The following PRELID2 variants were observed in gnomAD, a reference collection of about 807,000 sequenced individuals.
PRELID2 encodes PRELI domain containing 2, also known as PRELI domain-containing protein 2.
PRELID2 carries 25 observed loss-of-function variants against 28.4 expected under a neutral mutation model. The observed-to-expected ratio is 0.88, with a 90% CI of 0.64 to 1.23. The LOEUF is 1.23. PRELID2 is among the 50% of genes most tolerant of loss of function. The probability of loss-of-function intolerance (pLI) is 0.00; values close to 1 mark genes in which losing one functional copy is unlikely to be tolerated. For synonymous variants in PRELID2, 76 were observed against 71.6 expected (o/e 1.06, Z -0.31); for missense variants, 201 against 214.4 (o/e 0.94, Z 0.39).
chr5:145,814,286 G>A (rs1305801848), intron 4 of PRELID2, among the ~76,000 whole-genome samples: 4 of 152,140 alleles, frequency 2.6e-5, no homozygotes, highest in Admixed American at 6.5e-5. Context: ...AGGCTAACAC[G>A]AAGTAGATGA....
the PRELID2 span, among the ~76,000 whole-genome samples, chr5:145,311,771 A>G: frequency 1.3e-5 from 2 of 152,158 alleles, no homozygotes; most frequent in Non-Finnish European, 2.9e-5. Flanking sequence ...GAACACAGAA[A>G]GATGTGCCAT....
intron 3 of PRELID2, among the ~76,000 whole-genome samples, chr5:145,818,864 T>C (rs996577715): frequency 1.3e-5 from 2 of 152,094 alleles, no homozygotes; most frequent in African/African-American, 4.8e-5. Context: ...TCTGATATGG[T>C]TTGGCTGTGT....
At chr5:145,619,568 G>C (rs767513599) in intron 1 of PRELID2, among the ~76,000 whole-genome samples, 1 of 152,194 alleles carries the variant, frequency 6.6e-6, no homozygotes, top group African/African-American at 2.4e-5. Context: ...CCCAGGTCCT[G>C]TAGGAGCAGT....
At chr5:145,289,238 A>C in the PRELID2 span, among the ~76,000 whole-genome samples, 1 of 152,110 alleles carries the variant, frequency 6.6e-6, no homozygotes, top group Non-Finnish European at 1.5e-5. Flanking sequence ...CTACAGGACT[A>C]TACAGAATAG....
At chr5:145,748,871 G>C (rs1319161491) in intron 1 of PRELID2, among the ~76,000 whole-genome samples, 1 of 152,090 alleles carries the variant, frequency 6.6e-6, no homozygotes, top group Non-Finnish European at 1.5e-5. Context: ...ACAAGCAATG[G>C]GGAAAGGATC....
intron 1 of PRELID2, among the ~76,000 whole-genome samples, chr5:145,669,690 T>C (rs1754667224): frequency 6.6e-6 from 1 of 152,156 alleles, no homozygotes; most frequent in African/African-American, 2.4e-5. Context: ...CAACCATGCA[T>C]GTTTGCCTCC....
rs905390887 is a variant in PRELID2 at position 145,492,862 on chromosome 5, C to G, written n.71-19547G>C. Among the ~76,000 whole-genome samples the G allele has an allele frequency of 4.3e-5, 6 of 140,480 alleles. 1 individual carries two copies. The highest frequency in any genetic ancestry group is 7.2e-5 in the Admixed American group (1 of 13,958). The allele number at this position is 140,480 out of a possible 152,430, so 92.2% of individuals were successfully genotyped here. On this transcript the variant is annotated intron_variant and non_coding_transcript_variant, in intron 1 of 2. Coordinates refer to the PRELID2 transcript ENST00000510259. ...AGGGTTATATGGTCCCACCTGGCAC[C>G]AGGGTCAGTCTAGAGGCTCAATCCA... is the stretch of plus-strand genomic sequence containing the variant.
the PRELID2 span, among the ~76,000 whole-genome samples, chr5:145,279,857 T>G: frequency 7.1e-6 from 1 of 140,658 alleles, no homozygotes; most frequent in Admixed American, 7.1e-5. Context: ...ACTATTTAAC[T>G]TTGCTTTTTC....
At chr5:145,611,206 C>A (rs989761680) in intron 1 of PRELID2, among the ~76,000 whole-genome samples, 3 of 151,898 alleles carry the variant, frequency 2.0e-5, no homozygotes, top group Non-Finnish European at 4.4e-5. Flanking sequence ...TTCTGTTGCC[C>A]AGGCTGGAGT....
the PRELID2 span, among the ~76,000 whole-genome samples, chr5:145,262,788 A>ACAAAGTAT: frequency 2.0e-5 from 3 of 152,144 alleles, no homozygotes; most frequent in Admixed American, 2.0e-4. Flanking sequence ...AAAAAAAAAC[A>ACAAAGTAT]CAAAGTATTC....
At chr5:145,532,811 C>A (rs975166192) in intron 1 of PRELID2, among the ~76,000 whole-genome samples, 3 of 152,078 alleles carry the variant, frequency 2.0e-5, no homozygotes, top group Admixed American at 2.0e-4. Flanking sequence ...TGTTTATAGA[C>A]TGAAGAGTAT....
At chr5:145,703,124 A>T (rs1264221543) in intron 1 of PRELID2, among the ~76,000 whole-genome samples, 2 of 152,192 alleles carry the variant, frequency 1.3e-5, no homozygotes, top group African/African-American at 4.8e-5. Context: ...CAAGTATACT[A>T]AGTCTTTGGA....
intron 5 of PRELID2, chr5:145,795,263 G>A (rs1050387270): frequency 6.6e-6 from 1 of 152,042 alleles, no homozygotes; most frequent in Non-Finnish European, 1.5e-5. Flanking sequence ...AGAAAAATTT[G>A]CAATAATGTC....
At chr5:145,230,397 C>G in the PRELID2 span, among the ~76,000 whole-genome samples, 1 of 152,102 alleles carries the variant, frequency 6.6e-6, no homozygotes, top group Non-Finnish European at 1.5e-5. Flanking sequence ...CATGGTAAAA[C>G]CCTGTCTCTA....
intron 1 of PRELID2, among the ~76,000 whole-genome samples, chr5:145,539,981 T>A (rs1752732701): frequency 6.6e-6 from 1 of 151,842 alleles, no homozygotes; most frequent in South Asian, 2.1e-4. Flanking sequence ...CTTATTTTTT[T>A]ATTTTCAATT....
At chr5:145,620,004 A>G (rs1428419003) in intron 1 of PRELID2, among the ~76,000 whole-genome samples, 1 of 152,212 alleles carries the variant, frequency 6.6e-6, no homozygotes, top group African/African-American at 2.4e-5. Context: ...ATCAAAGACT[A>G]TTGTAAATTA....
At position 145,797,144 on chromosome 5, in the gene PRELID2, CA is replaced by C. The variant is rs1752815234; in HGVS notation, c.369-598del. 2.0e-5 allele frequency among the ~76,000 whole-genome samples: 3 copies of C among 152,048 alleles called. No homozygotes were observed. In the South Asian group the frequency reaches 6.2e-4, roughly 32 times the overall value. ...ATATCAATATTAATTATCTTCATGTCATAAAACAGAGATCTAGATTACACTT... is the reference window on the plus strand; with the variant it reads ...ATATCAATATTAATTATCTTCATGTCTAAAACAGAGATCTAGATTACACTT... On this transcript the variant is annotated intron_variant, in intron 4 of 6. Coordinates refer to ENST00000683046, the MANE Select transcript of PRELID2 (RefSeq NM_205846.3).
At chr5:145,440,365 T>C in the PRELID2 span, among the ~76,000 whole-genome samples, 1 of 152,212 alleles carries the variant, frequency 6.6e-6, no homozygotes, top group Non-Finnish European at 1.5e-5. Context: ...TTTGGTATCC[T>C]TGGGACTCAA....
intron 1 of PRELID2, among the ~76,000 whole-genome samples, chr5:145,648,925 C>T (rs1409246742): frequency 6.6e-6 from 1 of 151,892 alleles, no homozygotes; most frequent in Non-Finnish European, 1.5e-5. Flanking sequence ...GATTTTTCCA[C>T]TTTATGATGC....
Sources: allele counts gnomAD v4.1 joint callset (sites outside exome capture counted in the v4.1 genomes callset), GRCh38; gene constraint gnomAD v4.1.1; transcripts MANE v1.5; gene names NCBI Gene and HGNC (gene_info 2026-07-23, HGNC 2026-07-21).